NAALADL2: variants seen among roughly 807,000 people sequenced by gnomAD.
NAALADL2 encodes N-acetylated alpha-linked acidic dipeptidase like 2, also known as inactive N-acetylated-alpha-linked acidic dipeptidase-like protein 2.
Under a neutral mutation model 87.2 loss-of-function variants are expected in NAALADL2, and 76 were observed. The observed-to-expected ratio is 0.87, with a 90% CI of 0.72 to 1.05. The LOEUF (loss-of-function observed/expected upper bound fraction) is 1.05. NAALADL2 is among the 50% of genes least tolerant of loss of function. The pLI is 0.00. For missense variants in NAALADL2, 1,089 were observed against 945.8 expected (o/e 1.15, Z -1.99); for synonymous variants, 354 against 331.0 (o/e 1.07, Z -0.75).
intron 11 of NAALADL2, among the ~76,000 whole-genome samples, chr3:175,696,743 T>A (rs999620144): frequency 6.6e-6 from 1 of 152,102 alleles, no homozygotes; most frequent in African/African-American, 2.4e-5. Context: ...GACCAGGTAA[T>A]TTATAAAGAA....
At chr3:174,605,561 T>G (rs552579795) in intron 2 of NAALADL2, among the ~76,000 whole-genome samples, 75 of 152,168 alleles carry the variant, frequency 4.9e-4, no homozygotes, top group African/African-American at 1.7e-3. Flanking sequence ...AGTCTCTGAT[T>G]GCTAGCACAG....
chr3:175,336,123 G>A (rs567782209), intron 5 of NAALADL2, among the ~76,000 whole-genome samples: 2 of 144,110 alleles, frequency 1.4e-5, no homozygotes, highest in East Asian at 3.9e-4. Flanking sequence ...CCTTTCTGAA[G>A]CTTCTTTTTT....
At chr3:174,987,085 T>C (rs78151750) in intron 1 of NAALADL2, among the ~76,000 whole-genome samples, 11,354 of 152,164 alleles carry the variant, frequency 0.075, 929 homozygotes, top group African/African-American at 0.2. Flanking sequence ...TTGTTAAGAG[T>C]ATTTTGATCA....
intron 12 of NAALADL2, among the ~76,000 whole-genome samples, chr3:175,737,819 A>T (rs1291291422): frequency 1.5e-5 from 2 of 132,726 alleles, no homozygotes; most frequent in African/African-American, 5.7e-5. Flanking sequence ...TCTGTGTGGT[A>T]TGGGCCCCAT....
At chr3:175,667,257 G>T (rs1733306552) in intron 11 of NAALADL2, among the ~76,000 whole-genome samples, 2 of 140,976 alleles carry the variant, frequency 1.4e-5, no homozygotes, top group African/African-American at 6.0e-5. Context: ...AAGAAAGAAA[G>T]AAAGAAAGGA....
chr3:175,025,547 G>A (rs1020327849), intron 1 of NAALADL2, among the ~76,000 whole-genome samples: 9 of 152,006 alleles, frequency 5.9e-5, no homozygotes, highest in African/African-American at 1.7e-4. Context: ...TTTTGGCAAC[G>A]GCTATTGTTA....
chr3:174,756,957 AC>A (rs1408255754), intron 3 of NAALADL2, among the ~76,000 whole-genome samples: 2 of 67,150 alleles, frequency 3.0e-5, no homozygotes, highest in Admixed American at 1.2e-4. Flanking sequence ...GACAAAAAAA[AC>A]AAAACAAAAC....
chr3:175,613,823 A>G (rs933358153), intron 10 of NAALADL2, among the ~76,000 whole-genome samples: 1 of 152,212 alleles, frequency 6.6e-6, no homozygotes, highest in Non-Finnish European at 1.5e-5. Flanking sequence ...ATTACAATGT[A>G]TTTTAGCATC....
chr3:174,626,530 C>T (rs1022220203), intron 2 of NAALADL2, among the ~76,000 whole-genome samples: 1 of 151,920 alleles, frequency 6.6e-6, no homozygotes, highest in African/African-American at 2.4e-5. Flanking sequence ...CCCTGTCTGT[C>T]GGGTGTGCTC....
intron 6 of NAALADL2, among the ~76,000 whole-genome samples, chr3:175,447,701 G>C (rs528157906): frequency 2.0e-5 from 3 of 152,122 alleles, no homozygotes; most frequent in Non-Finnish European, 4.4e-5. Flanking sequence ...CAGTCTCATT[G>C]CCTGCCAAGA....
intron 5 of NAALADL2, among the ~76,000 whole-genome samples, chr3:175,419,571 C>G (rs1244338550): frequency 6.6e-6 from 1 of 151,900 alleles, no homozygotes; most frequent in Non-Finnish European, 1.5e-5. Flanking sequence ...CATTAGGTAA[C>G]ATTCATTTTA....
chr3:175,453,729 G>T (rs1286958198), intron 6 of NAALADL2, among the ~76,000 whole-genome samples: 3 of 152,118 alleles, frequency 2.0e-5, no homozygotes, highest in African/African-American at 2.4e-5. Flanking sequence ...TATTTGAAAT[G>T]AATGTACGCT....
At chr3:175,233,706 G>C (rs894886583) in intron 2 of NAALADL2, among the ~76,000 whole-genome samples, 9 of 152,004 alleles carry the variant, frequency 5.9e-5, no homozygotes, top group African/African-American at 2.2e-4. Flanking sequence ...CTAAAGTTCT[G>C]GGATCACAGG....
At chr3:174,657,153 T>C (rs1725034283) in intron 2 of NAALADL2, among the ~76,000 whole-genome samples, 1 of 148,020 alleles carries the variant, frequency 6.8e-6, no homozygotes, top group Non-Finnish European at 1.5e-5. Context: ...CCCCAGCCTC[T>C]CTAGTAGCTG....
At chr3:174,716,714 A>G (rs1238521602) in intron 2 of NAALADL2, among the ~76,000 whole-genome samples, 2 of 152,094 alleles carry the variant, frequency 1.3e-5, no homozygotes, top group Non-Finnish European at 2.9e-5. Context: ...ACATGTGTGT[A>G]TATACATATA....
chr3:174,661,057 C>T (rs983717062), intron 2 of NAALADL2, among the ~76,000 whole-genome samples: 1 of 152,050 alleles, frequency 6.6e-6, no homozygotes, highest in Non-Finnish European at 1.5e-5. Flanking sequence ...AGAGGCCTTA[C>T]TCTTGATTAA....
At chr3:175,237,449 T>G (rs1452441200) in intron 3 of NAALADL2, among the ~76,000 whole-genome samples, 1 of 152,166 alleles carries the variant, frequency 6.6e-6, no homozygotes, top group African/African-American at 2.4e-5. Flanking sequence ...AAACTAGAAA[T>G]GTGAATTCGC....
At chr3:174,682,236 A>C (rs1397484279) in intron 2 of NAALADL2, among the ~76,000 whole-genome samples, 3 of 152,222 alleles carry the variant, frequency 2.0e-5, no homozygotes, top group African/African-American at 4.8e-5. Context: ...GCTCAGCTGC[A>C]GTAGATAGAA....
At chr3:174,784,425 A>G (rs777674525) in intron 3 of NAALADL2, among the ~76,000 whole-genome samples, 17 of 152,314 alleles carry the variant, frequency 1.1e-4, no homozygotes, top group Admixed American at 3.9e-4. Flanking sequence ...TTCATGAGTC[A>G]TAATATATAT....
Sources: allele counts gnomAD v4.1 joint callset (sites outside exome capture counted in the v4.1 genomes callset), GRCh38; gene constraint gnomAD v4.1.1; transcripts MANE v1.5; gene names NCBI Gene and HGNC (gene_info 2026-07-23, HGNC 2026-07-21).